The following CNTN1 variants were observed in gnomAD, a reference collection of about 807,000 sequenced individuals.
CNTN1 encodes the protein contactin 1.
CNTN1 carries 38 observed loss-of-function variants against 126.4 expected under a neutral mutation model. That is an observed-to-expected ratio of 0.30 (90% confidence interval 0.23 to 0.39). The LOEUF is 0.39. CNTN1 is among the 10% of genes least tolerant of loss of function. The pLI is 1.00. For synonymous variants in CNTN1, 413 were observed against 422.6 expected, an observed-to-expected ratio of 0.98 and a Z score of 0.28; for missense variants, 1,009 against 1,248.4, an observed-to-expected ratio of 0.81 and a Z score of 2.89.
chr12:40,810,316 G>A (rs1236170584), intron 1 of CNTN1, among the ~76,000 whole-genome samples: 1 of 152,106 alleles, frequency 6.6e-6, no homozygotes, highest in African/African-American at 2.4e-5. Flanking sequence ...TATACAAATT[G>A]CTAAATGATT....
At chr12:40,741,793 A>G (rs1292711419) in intron 1 of CNTN1, among the ~76,000 whole-genome samples, 1 of 152,064 alleles carries the variant, frequency 6.6e-6, no homozygotes, top group Non-Finnish European at 1.5e-5. Context: ...TGTGATGGAT[A>G]TTTACAAATA....
chr12:40,732,061 T>C (rs969273595), intron 1 of CNTN1, among the ~76,000 whole-genome samples: 3 of 152,010 alleles, frequency 2.0e-5, no homozygotes, highest in Non-Finnish European at 4.4e-5. Flanking sequence ...GAAAAAATAT[T>C]TGTACTATAA....
intron 1 of CNTN1, among the ~76,000 whole-genome samples, chr12:40,773,802 A>T (rs1939471043): frequency 6.6e-6 from 1 of 150,938 alleles, no homozygotes; most frequent in South Asian, 2.1e-4. Context: ...AATTTTGCAC[A>T]AAAATTAGAG....
At chr12:40,849,599 A>G (rs1302692686) in intron 1 of CNTN1, among the ~76,000 whole-genome samples, 1 of 152,078 alleles carries the variant, frequency 6.6e-6, no homozygotes, top group Non-Finnish European at 1.5e-5. Flanking sequence ...TAGGGTCTCT[A>G]ATTTATTCTC....
At chr12:40,917,393 C>G (rs1945284163) in intron 3 of CNTN1, among the ~76,000 whole-genome samples, 1 of 151,638 alleles carries the variant, frequency 6.6e-6, no homozygotes. Flanking sequence ...TTTTATTATC[C>G]CCATTTTATA....
At chr12:41,047,079 A>G (rs1278736712) in intron 23 of CNTN1, among the ~76,000 whole-genome samples, 1 of 151,424 alleles carries the variant, frequency 6.6e-6, no homozygotes, top group East Asian at 1.9e-4. Flanking sequence ...CCCTACCAAG[A>G]TCTCCCCTTT....
intron 14 of CNTN1, among the ~76,000 whole-genome samples, chr12:40,957,592 AAAATAAAT>A (rs60750061): frequency 7.1e-5 from 10 of 140,664 alleles, no homozygotes; most frequent in Non-Finnish European, 1.4e-4. Context: ...TGGTATGACA[AAAATAAAT>A]AAATAAATAA....
chr12:40,928,120 G>A (rs746405658), intron 6 of CNTN1, among the ~76,000 whole-genome samples: 2 of 152,024 alleles, frequency 1.3e-5, no homozygotes, highest in African/African-American at 2.4e-5. Context: ...TCCTTTCTCT[G>A]TAAGGAAATA....
intron 1 of CNTN1, among the ~76,000 whole-genome samples, chr12:40,710,611 G>A (rs1224621833): frequency 1.3e-5 from 2 of 152,046 alleles, no homozygotes; most frequent in Non-Finnish European, 2.9e-5. Context: ...ATAAAATGAG[G>A]TATAGCTGTA....
At chr12:40,825,309 G>A (rs530746107) in intron 1 of CNTN1, among the ~76,000 whole-genome samples, 1 of 151,890 alleles carries the variant, frequency 6.6e-6, no homozygotes, top group Non-Finnish European at 1.5e-5. Context: ...AACTTGTCAT[G>A]GCATTTTTTT....
intron 1 of CNTN1, among the ~76,000 whole-genome samples, chr12:40,707,034 GCGCGCGCTTGCGCACACACACACACA>G (rs1941761876): frequency 1.8e-5 from 2 of 109,420 alleles, no homozygotes; most frequent in East Asian, 2.2e-4. Context: ...AGACGTGCGC[GCGCGCGCTTGCGCACACACACACACA>G]CACACACACA....
chr12:40,957,297 G>T (rs1040405078), intron 14 of CNTN1, among the ~76,000 whole-genome samples: 3 of 151,918 alleles, frequency 2.0e-5, no homozygotes, highest in African/African-American at 7.2e-5. Context: ...AGAAGTAAGA[G>T]ATTGGTAGTA....
At chr12:40,809,938 T>G (rs1434804299) in intron 1 of CNTN1, among the ~76,000 whole-genome samples, 1 of 152,116 alleles carries the variant, frequency 6.6e-6, no homozygotes, top group Non-Finnish European at 1.5e-5. Flanking sequence ...CAGGTGACAC[T>G]AATCTCTATT....
At chr12:41,007,232 T>C (rs937545593) in intron 17 of CNTN1, among the ~76,000 whole-genome samples, 2 of 151,636 alleles carry the variant, frequency 1.3e-5, no homozygotes, top group Non-Finnish European at 2.9e-5. Flanking sequence ...GCTAATTTTT[T>C]TGTATTTTTA....
chr12:40,736,165 A>G (rs1404206202), intron 1 of CNTN1, among the ~76,000 whole-genome samples: 1 of 152,070 alleles, frequency 6.6e-6, no homozygotes, highest in African/African-American at 2.4e-5. Flanking sequence ...ACAGACACAC[A>G]TACAGAATCA....
At chr12:41,002,434 G>A (rs565354130) in intron 17 of CNTN1, among the ~76,000 whole-genome samples, 1 of 152,122 alleles carries the variant, frequency 6.6e-6, no homozygotes, top group South Asian at 2.1e-4. Flanking sequence ...TTGGTTCTTG[G>A]CATGACTGTT....
chr12:40,989,409 G>C (rs536199903), intron 16 of CNTN1, among the ~76,000 whole-genome samples: 1 of 152,254 alleles, frequency 6.6e-6, no homozygotes, highest in Admixed American at 6.5e-5. Context: ...CAATTGAAGG[G>C]AAAGGAAGAG....
At chr12:41,000,865 T>C (rs1356224033) in intron 17 of CNTN1, among the ~76,000 whole-genome samples, 2 of 152,346 alleles carry the variant, frequency 1.3e-5, no homozygotes, top group Admixed American at 6.5e-5. Flanking sequence ...CCTCCACTTA[T>C]AAGTGAGAGC....
At chr12:41,050,572 A>G (rs767710438) in intron 23 of CNTN1, among the ~76,000 whole-genome samples, 13 of 152,160 alleles carry the variant, frequency 8.5e-5, no homozygotes, top group Non-Finnish European at 1.9e-4. Context: ...CCCTCCCCCA[A>G]CACTGGGGAT....
Sources: allele counts gnomAD v4.1 joint callset (sites outside exome capture counted in the v4.1 genomes callset), GRCh38; gene constraint gnomAD v4.1.1; transcripts MANE v1.5; gene names NCBI Gene and HGNC (gene_info 2026-07-23, HGNC 2026-07-21).